FAM118B: variants seen among roughly 807,000 people sequenced by gnomAD.
The protein encoded by FAM118B is protein FAM118B.
A neutral mutation model predicts 38.5 loss-of-function variants in FAM118B; 24 were observed. The ratio of observed to expected loss-of-function variants is 0.62; its 90% CI spans 0.45 to 0.88. The LOEUF is 0.88. Among genes scored for constraint, FAM118B ranks in the 40% least tolerant of loss-of-function variants. The pLI, the probability that FAM118B is intolerant of heterozygous loss-of-function variation, is 0.00. For missense variants in FAM118B, 334 were observed against 420.0 expected (o/e 0.80, Z 1.79); for synonymous variants, 138 against 156.3 (o/e 0.88, Z 0.87).
chr11:126,213,243 T>G (rs905919349), intron 1 of FAM118B, among the ~76,000 whole-genome samples: 21 of 152,210 alleles, frequency 1.4e-4, no homozygotes, highest in African/African-American at 4.6e-4. Flanking sequence ...AATTGTCTTA[T>G]TTCTGTCAAT....
rs575065140 is a variant in FAM118B, at chr11:126,227,058, CTTTTTTTTTTTTT to C, written c.-76-2157_-76-2145del. 9.9e-3 allele frequency among the ~76,000 whole-genome samples: 967 copies of C among 97,202 alleles called. 18 individuals carry two copies. Among genetic ancestry groups the C allele is most frequent in the African/African-American group, 0.032 (859 of 26,604 alleles). The allele number at this position is 97,202 out of a possible 152,430, so 63.8% of individuals were successfully genotyped here. A position where few individuals can be genotyped will look rare whatever the true frequency, so the allele number is the denominator to read the frequency against. ...GAATGCTCTCAAACAATACAAGCTT[CTTTTTTTTTTTTT>C]TTTTTTTTTGAGACTGAGTCTGGTT... On this transcript the variant is annotated intron_variant, in intron 1 of 8. Transcript: ENST00000533050.
intron 1 of FAM118B, among the ~76,000 whole-genome samples, chr11:126,223,004 C>G (rs1302383525): frequency 7.1e-6 from 1 of 141,482 alleles, no homozygotes; most frequent in Non-Finnish European, 1.5e-5. Context: ...CAGATGGTAA[C>G]ATTTAAATTG....
At chr11:126,232,939 A>G (rs1434694114) in intron 2 of FAM118B, among the ~76,000 whole-genome samples, 1 of 152,152 alleles carries the variant, frequency 6.6e-6, no homozygotes, top group Non-Finnish European at 1.5e-5. Flanking sequence ...CAAACTGGGA[A>G]GTCGTTAGAC....
intron 3 of FAM118B, 68 bp downstream of exon 3, chr11:126,235,155 T>A: frequency 8.1e-7 from 1 of 1,237,838 alleles, no homozygotes; most frequent in South Asian, 1.2e-5. Flanking sequence ...ATAGCCAACT[T>A]ATACCTTCTA....
rs139632922 is a variant in FAM118B, at chr11:126,242,924, A to G, written c.339+1880A>G. Among the ~76,000 whole-genome samples, 20 of 152,370 alleles carry G rather than the reference A, an allele frequency of 1.3e-4. No individual in the cohort carries two copies. In the East Asian group the frequency reaches 1.9e-3, roughly 15 times the overall value. ...GCAGCAACTGTACACTCATGTTCAT[A>G]GCAACGTTATTCATAATAGCCAAAA... On this transcript the variant is annotated intron_variant, in intron 4 of 8. Coordinates refer to ENST00000533050, the MANE Select transcript of FAM118B (RefSeq NM_024556.4).
rs10707118 is a variant in FAM118B, at chr11:126,219,856, T to TA, written c.-77+8041dup. Reference sequence around the variant, plus strand: ...ACTACTGTACTTATTAAAATTAACTTAAAAAAAAAAAAAAAGCAGCTCGAG... The same window carrying TA: ...ACTACTGTACTTATTAAAATTAACTTAAAAAAAAAAAAAAAAGCAGCTCGAG... On this transcript the variant is annotated intron_variant, in intron 1 of 8. Coordinates refer to ENST00000533050, the MANE Select transcript of FAM118B (RefSeq NM_024556.4). 8.0e-3 allele frequency among the ~76,000 whole-genome samples: 1,163 copies of TA among 145,072 alleles called. 10 individuals are homozygous for TA. The highest frequency in any genetic ancestry group is 0.013 in the Non-Finnish European group (862 of 66,138).
At position 126,214,514 on chromosome 11, in the gene FAM118B, G is replaced by GTTTTTT. The variant is rs71048770; in HGVS notation, c.-77+2692_-77+2697dup. 3.9e-4 allele frequency: 16 copies of GTTTTTT among 41,478 alleles called. 1 individual carries two copies. The highest frequency in any genetic ancestry group is 7.4e-4 in the Non-Finnish European group (14 of 18,810). The allele number at this position is 41,478 out of a possible 1,614,324, so 2.6% of individuals were successfully genotyped here. A position where few individuals can be genotyped will look rare whatever the true frequency, so the allele number is the denominator to read the frequency against. On this transcript the variant is annotated intron_variant, in intron 1 of 8. Transcript: ENST00000533050. ...TGTTTTTTTTTTTTGTTTTTTTTTT[G>GTTTTTT]TTTTTTTTTTTTTACCTCTATATTG...
intron 1 of FAM118B, among the ~76,000 whole-genome samples, chr11:126,220,913 G>A (rs1030618860): frequency 2.0e-5 from 3 of 151,824 alleles, no homozygotes; most frequent in African/African-American, 7.3e-5. Context: ...TAGGCCGGGC[G>A]CAGTGGCTCA....
Position 126,256,853 on chromosome 11 carries a change from G to A in FAM118B, c.982+1G>A, listed in dbSNP as rs753007953. 1.9e-6 allele frequency: 3 copies of A among 1,604,902 alleles called. No homozygotes were observed. The highest frequency in any genetic ancestry group is 2.6e-6 in the Non-Finnish European group (3 of 1,174,546). ...GAGATCTCCACAAGGGGTACATCAG[G>A]TAAGATGCATTTTGAAGCTGAGGGG... On this transcript the variant is annotated splice_donor_variant, in intron 7 of 8. Coordinates refer to ENST00000533050, the MANE Select transcript of FAM118B (RefSeq NM_024556.4). LOFTEE classifies it high-confidence loss of function. The surrounding 1 kb of genome is among the most constrained non-coding windows in gnomAD (Gnocchi z 6.6).
chr11:126,229,514 C>T (rs541214738), intron 2 of FAM118B, among the ~76,000 whole-genome samples: 1 of 152,250 alleles, frequency 6.6e-6, no homozygotes, highest in East Asian at 1.9e-4. Context: ...GCCATCTCGG[C>T]TACCTGCAAC....
Position 126,240,990 on chromosome 11 carries a change from T to C in FAM118B, c.285T>C (p.His95=), listed in dbSNP as rs1287013077. The change falls in exon 4 of 9, where the codon CAT becomes CAC. Residue 95 remains histidine, a synonymous_variant. Transcript: ENST00000533050. ...GCAAAAAGTTTCAGAAATGTCTCCA[T>C]GAAGACAAGAACCTGGTCCATGTTG... ...EESKKFQKCL[H]EDKNLVHVAH... is the part of the protein sequence containing the mutation. 2 of 1,613,834 alleles carry C rather than the reference T, an allele frequency of 1.2e-6. No individual in the cohort carries two copies. The highest frequency in any genetic ancestry group is 1.7e-6 in the Non-Finnish European group (2 of 1,179,970).
intron 2 of FAM118B, among the ~76,000 whole-genome samples, chr11:126,230,282 G>T (rs954966817): frequency 6.6e-6 from 1 of 152,194 alleles, no homozygotes; most frequent in Admixed American, 6.5e-5. Flanking sequence ...CTACTGACAA[G>T]CTTGTTGGGA....
At chr11:126,217,423 AC>A (rs1565323806) in intron 1 of FAM118B, among the ~76,000 whole-genome samples, 1 of 152,174 alleles carries the variant, frequency 6.6e-6, no homozygotes, top group Non-Finnish European at 1.5e-5. Context: ...TTATGTACTT[AC>A]ACCTCTGTCA....
rs1250459749 is a variant in FAM118B at position 126,250,777 on chromosome 11, T to C, written c.567+44T>C. On this transcript the variant is annotated intron_variant, in intron 5 of 8. Transcript: ENST00000533050. The surrounding 1 kb of genome is among the most constrained non-coding windows in gnomAD (Gnocchi z 5.1). Reference sequence around the variant, plus strand: ...GTCCCTTCTTCAGGCTAGTGGATTTTATCTTCCTCAGAAAAGCTCTTTTCT... The same window carrying C: ...GTCCCTTCTTCAGGCTAGTGGATTTCATCTTCCTCAGAAAAGCTCTTTTCT... 1 of 1,440,992 alleles carries C rather than the reference T, an allele frequency of 6.9e-7. No homozygotes were observed. Among genetic ancestry groups the C allele is most frequent in the East Asian group, 2.3e-5 (1 of 42,672 alleles). The allele number at this position is 1,440,992 out of a possible 1,614,324, so 89.3% of individuals were successfully genotyped here.
At chr11:126,235,515 G>T (rs1404955380) in intron 3 of FAM118B, among the ~76,000 whole-genome samples, 1 of 151,956 alleles carries the variant, frequency 6.6e-6, no homozygotes, top group East Asian at 1.9e-4. Flanking sequence ...CACAGTGTTT[G>T]GTTCAATCCA....
At chr11:126,254,278 T>C in intron 5 of FAM118B, 27 bp from the exon 6 acceptor site, 1 of 1,608,794 alleles carries the variant, frequency 6.2e-7, no homozygotes, top group Non-Finnish European at 8.5e-7. Flanking sequence ...CCTGCCAAGC[T>C]GGTTGGGCTA....
chr11:126,236,981 A>G (rs1273896043), intron 3 of FAM118B, among the ~76,000 whole-genome samples: 1 of 135,686 alleles, frequency 7.4e-6, no homozygotes, highest in Non-Finnish European at 1.5e-5. Context: ...CAGTGACACT[A>G]TCTCGGCTCA....
chr11:126,231,024 A>G (rs1161162777), intron 2 of FAM118B, among the ~76,000 whole-genome samples: 1 of 152,206 alleles, frequency 6.6e-6, no homozygotes, highest in Admixed American at 6.5e-5. Flanking sequence ...CCAGAGATAG[A>G]AGCATTACAT....
chr11:126,259,865 C>T (rs1431553881), intron 7 of FAM118B, among the ~76,000 whole-genome samples: 5 of 151,840 alleles, frequency 3.3e-5, no homozygotes, highest in Non-Finnish European at 5.9e-5. Flanking sequence ...GGACTAAAGG[C>T]GCCCGCCACC....
Sources: gnomAD v4.1 joint callset for allele counts (sites outside exome capture counted in the v4.1 genomes callset) on GRCh38, gnomAD v4.1.1 for gene constraint, Gnocchi (gnomAD v3.1) non-coding constraint, MANE v1.5 for transcripts, NCBI Gene and HGNC (gene_info 2026-07-23, HGNC 2026-07-21) for gene names.